GIPC1: variants seen among roughly 807,000 people sequenced by gnomAD.
GIPC1 encodes the protein GIPC PDZ domain containing family member 1, also known as PDZ domain-containing protein GIPC1.
A neutral mutation model predicts 28.5 loss-of-function variants in GIPC1; 15 were observed. That is an observed-to-expected ratio of 0.53 (90% CI 0.35 to 0.81). The LOEUF is 0.81. Ranked by LOEUF, GIPC1 falls within the 30% of genes least tolerant of loss-of-function variation. GIPC1 has a pLI of 0.01. For synonymous variants in GIPC1, 224 were observed against 206.1 expected (o/e 1.09, Z -0.74); for missense variants, 439 against 481.9 (o/e 0.91, Z 0.83).
At chr19:14,479,351 T>TG in intron 7 of GIPC1, 61 bp downstream of exon 7, 1 of 647,488 alleles carries the variant, frequency 1.5e-6, no homozygotes, top group Non-Finnish European at 2.3e-6. Flanking sequence ...AGACTCTGTC[T>TG]CAAAAAAAAA....
chr19:14,478,791 G>T lies in GIPC1; in HGVS notation c.769-26C>A. On this transcript the variant is annotated intron_variant, in intron 7 of 8. Coordinates refer to ENST00000393033, the MANE Select transcript of GIPC1 (RefSeq NM_005716.4). This position sits in a 1 kb window ranked among gnomAD's most constrained non-coding sequence, Gnocchi z 5.2. The stretch of plus-strand genomic sequence containing the variant: ...CTGGGGGCCAGGGAGGGGTGACAGC[G>T]ACATCATAACAATGTGAATATACAT... The T allele has an allele frequency of 6.6e-7, 1 of 1,511,970 alleles. No homozygotes were observed. The highest frequency in any genetic ancestry group is 9.2e-7 in the Non-Finnish European group (1 of 1,087,114). 93.7% of individuals were successfully genotyped at this position (1,511,970 alleles called of 1,614,324 possible).
In GIPC1 at chr19:14,479,503, G is replaced by T. The variant is rs147583484; in HGVS notation, c.677C>A (p.Ala226Glu). Residue 226 changes from alanine to glutamate, a missense_variant, in exon 7 of 9, where the codon GCG becomes GAG. By Grantham distance (107) the Ala-to-Glu change is moderately radical. Coordinates refer to ENST00000393033, the MANE Select transcript of GIPC1 (RefSeq NM_005716.4). ...TGGGCCAGAGCCAGGGCGGCCACCC[G>T]CTGAACGCTGGCTGATCATGTCTGT... is the stretch of plus-strand genomic sequence containing the variant. ...KAFDMISQRS[A>E]GGRPGSGPQL... is the part of the protein sequence containing the mutation. 1 of 1,441,506 alleles carries T rather than the reference G, an allele frequency of 6.9e-7. No individual in the cohort carries two copies. 89.3% of individuals were successfully genotyped at this position (1,441,506 alleles called of 1,614,324 possible). A position where few individuals can be genotyped will look rare whatever the true frequency, so the allele number is the denominator to read the frequency against.
chr19:14,486,591 G>A (rs1361487589), intron 3 of GIPC1, among the ~76,000 whole-genome samples: 1 of 152,060 alleles, frequency 6.6e-6, no homozygotes, highest in African/African-American at 2.4e-5. Flanking sequence ...CTGCTGAGCC[G>A]CAATGGAAGT....
At chr19:14,485,702 T>TAGAGAGAGAGAGAGAGAG in intron 3 of GIPC1, among the ~76,000 whole-genome samples, 1 of 58,794 alleles carries the variant, frequency 1.7e-5, no homozygotes, top group South Asian at 5.7e-4. Flanking sequence ...TATATATATA[T>TAGAGAGAGAGAGAGAGAG]AGAGAGAGAG....
chr19:14,485,973 C>A (rs374849074), intron 3 of GIPC1, among the ~76,000 whole-genome samples: 1 of 151,884 alleles, frequency 6.6e-6, no homozygotes, highest in Non-Finnish European at 1.5e-5. Context: ...GGTTTCACCA[C>A]GTTAGCAAGG....
In GIPC1 at chr19:14,478,514, C is replaced by G. The variant is rs7508653; in HGVS notation, c.904G>C (p.Glu302Gln). The G allele has an allele frequency of 6.2e-7, 1 of 1,614,064 alleles. No individual in the cohort carries two copies. The change falls in exon 9 of 9, where the codon GAG (glutamate) becomes CAG (glutamine). Residue 302 changes from glutamate to glutamine, a missense_variant. Coordinates refer to ENST00000393033, the MANE Select transcript of GIPC1 (RefSeq NM_005716.4). The surrounding 1 kb of genome is among the most constrained non-coding windows in gnomAD (Gnocchi z 5.2). The part of the protein sequence containing the change: ...KDKRNPDELA[E>Q]ALDERLGDFA... ...TCACCCAGCCGTTCGTCCAGGGCCT[C>G]GGCCAGCTCATCCGGGTTCCTTTTG...
chr19:14,492,287 G>A (rs563472000), intron 2 of GIPC1, among the ~76,000 whole-genome samples: 5 of 152,012 alleles, frequency 3.3e-5, no homozygotes, highest in African/African-American at 1.2e-4. Context: ...AAATATTGGT[G>A]ACAATTACTG....
Position 14,482,711 on chromosome 19 carries a change from G to A in GIPC1, c.266C>T (p.Ala89Val), listed in dbSNP as rs767675348. Reference sequence around the variant, plus strand: ...TACCTCGGCAGTTGGCAGGCGGAAGGCCTCGGCGATCTTGCCATACAGCTC... The same window carrying A: ...TACCTCGGCAGTTGGCAGGCGGAAGACCTCGGCGATCTTGCCATACAGCTC... ...VKELYGKIAEAFRLPTAEVMF... is the reference protein window; with the variant it reads ...VKELYGKIAEVFRLPTAEVMF... Residue 89 changes from alanine to valine, a missense_variant, in exon 4 of 9, where the codon GCC becomes GTC. Transcript: ENST00000393033. 1 of 1,611,472 alleles carries A rather than the reference G, an allele frequency of 6.2e-7. No individual in the cohort carries two copies. Among genetic ancestry groups the A allele is most frequent in the South Asian group, 1.1e-5 (1 of 90,942 alleles).
intron 4 of GIPC1, 170 bp downstream of exon 4, chr19:14,482,519 G>C: frequency 3.0e-6 from 2 of 661,782 alleles, no homozygotes; most frequent in Non-Finnish European, 5.3e-6. Flanking sequence ...GCCTCCCAGT[G>C]CCTCATGGGG....
chr19:14,489,531 G>A (rs1450605663), intron 3 of GIPC1: 1 of 890,564 alleles, frequency 1.1e-6, no homozygotes, highest in Non-Finnish European at 1.9e-6. Flanking sequence ...GTGTGGAGAT[G>A]GCGACTAGTG....
intron 6 of GIPC1, chr19:14,479,942 C>A: frequency 4.4e-6 from 2 of 453,108 alleles, no homozygotes; most frequent in Non-Finnish European, 4.0e-6. Context: ...ACCTCAGGGG[C>A]CTGGGGCCCA....
chr19:14,495,097 CG>C (rs940225619), intron 1 of GIPC1, among the ~76,000 whole-genome samples: 21 of 152,158 alleles, frequency 1.4e-4, no homozygotes, highest in African/African-American at 5.1e-4. Flanking sequence ...CCGGGGAGAA[CG>C]CCTACTTCCC....
intron 3 of GIPC1, among the ~76,000 whole-genome samples, chr19:14,486,600 G>A (rs1400640960): frequency 6.6e-6 from 1 of 152,090 alleles, no homozygotes; most frequent in African/African-American, 2.4e-5. Flanking sequence ...CGCAATGGAA[G>A]TGTAGCAGGA....
intron 3 of GIPC1, among the ~76,000 whole-genome samples, chr19:14,487,685 C>CTTTTT (rs34048955): frequency 0.018 from 2,347 of 130,476 alleles, 76 homozygotes; most frequent in East Asian, 0.069. Context: ...CTTTATTTTC[C>CTTTTT]TTTTTTTTTT....
intron 3 of GIPC1, 83 bp from the exon 4 acceptor site, chr19:14,483,089 G>A: frequency 1.1e-6 from 1 of 896,334 alleles, no homozygotes; most frequent in East Asian, 2.6e-5. Context: ...ACAGGCCCAA[G>A]GAAATACTCA....
intron 3 of GIPC1, 33 bp from the exon 4 acceptor site, chr19:14,483,039 G>C: frequency 6.6e-7 from 1 of 1,511,646 alleles, no homozygotes; most frequent in Non-Finnish European, 9.0e-7. Context: ...CAGGGCCTGG[G>C]CAGAGGCCTT....
chr19:14,495,655 T>TC (rs535652967), intron 1 of GIPC1, among the ~76,000 whole-genome samples: 46 of 151,506 alleles, frequency 3.0e-4, no homozygotes, highest in Non-Finnish European at 5.6e-4. Flanking sequence ...CCTCACTGCG[T>TC]CCCCCCCAAG....
In GIPC1 at chr19:14,484,712, C is replaced by G. The variant is rs181287110; in HGVS notation, c.-30-1706G>C. On this transcript the variant is annotated intron_variant, in intron 3 of 8. Coordinates refer to ENST00000393033, the MANE Select transcript of GIPC1 (RefSeq NM_005716.4). ...CAGTGAGCTGAGACCGTGCCATTGC[C>G]TGGGTGACAGAATGACACTCCATCT... Among the ~76,000 whole-genome samples, 35 of 151,678 alleles carry G rather than the reference C, an allele frequency of 2.3e-4. No homozygotes were observed. The East Asian group carries it at 6.4e-3, about 28-fold the overall frequency.
chr19:14,479,732 TG>T, intron 6 of GIPC1: 1 of 398,738 alleles, frequency 2.5e-6, no homozygotes, highest in Non-Finnish European at 4.4e-6. Flanking sequence ...GGGGAACAGC[TG>T]GGGGCCAGGA....
Sources: gnomAD v4.1 joint callset for allele counts (sites outside exome capture counted in the v4.1 genomes callset) on GRCh38, gnomAD v4.1.1 for gene constraint, Gnocchi (gnomAD v3.1) non-coding constraint, MANE v1.5 for transcripts, NCBI Gene and HGNC (gene_info 2026-07-23, HGNC 2026-07-21) for gene names.